CDK14: variants seen among roughly 807,000 people sequenced by gnomAD.
CDK14 encodes cyclin dependent kinase 14.
CDK14 carries 34 observed loss-of-function variants against 60.7 expected under a neutral mutation model. The observed-to-expected ratio is 0.56, with a 90% CI of 0.43 to 0.75. CDK14 has a LOEUF of 0.75. Ranked by LOEUF, CDK14 falls within the 30% of genes least tolerant of loss-of-function variation. The pLI is 0.00. For missense variants in CDK14, 482 were observed against 564.1 expected (o/e 0.85, Z 1.47); for synonymous variants, 197 against 203.7 (o/e 0.97, Z 0.28).
intron 5 of CDK14, among the ~76,000 whole-genome samples, chr7:90,830,546 C>T (rs1467566053): frequency 2.0e-5 from 3 of 152,192 alleles, no homozygotes; most frequent in Non-Finnish European, 2.9e-5. Flanking sequence ...TCCCCATTGT[C>T]GTGGCTATTA....
Position 91,116,310 on chromosome 7 carries a change from G to T in CDK14, c.1295-1755G>T, listed in dbSNP as rs532669271. 3.9e-5 allele frequency among the ~76,000 whole-genome samples: 6 copies of T among 152,140 alleles called. No homozygotes were observed. The South Asian group carries it at 1.2e-3, about 32-fold the overall frequency. On this transcript the variant is annotated intron_variant, in intron 13 of 14. Transcript: ENST00000380050. ...TCAGTGAAAGAAGGCCAACAAATCG[G>T]TACAGTGTGAAGAGCACTGAACTGG...
chr7:90,768,154 T>C (rs561936135), intron 4 of CDK14, among the ~76,000 whole-genome samples: 2 of 152,246 alleles, frequency 1.3e-5, no homozygotes, highest in African/African-American at 4.8e-5. Flanking sequence ...GTTTAATTAG[T>C]AAGACCTGGA....
chr7:90,699,029 G>T (rs1801726100), intron 2 of CDK14, among the ~76,000 whole-genome samples: 1 of 152,192 alleles, frequency 6.6e-6, no homozygotes, highest in Non-Finnish European at 1.5e-5. Flanking sequence ...TTAGTCAAAG[G>T]AAATATCAAG....
intron 9 of CDK14, among the ~76,000 whole-genome samples, chr7:90,965,936 G>A (rs1016181053): frequency 3.9e-5 from 6 of 152,106 alleles, no homozygotes; most frequent in Admixed American, 3.9e-4. Context: ...TCCCTGGAGG[G>A]AATTGGGTTC....
chr7:90,986,804 T>C (rs1795383577), intron 10 of CDK14, among the ~76,000 whole-genome samples: 2 of 152,002 alleles, frequency 1.3e-5, no homozygotes, highest in African/African-American at 4.8e-5. Context: ...AATTATATTC[T>C]GATAATTTTC....
chr7:90,876,516 T>C (rs1791567648), intron 6 of CDK14, among the ~76,000 whole-genome samples: 1 of 152,230 alleles, frequency 6.6e-6, no homozygotes, highest in African/African-American at 2.4e-5. Context: ...TCATGCCCAC[T>C]TCCTGGTGCC....
intron 2 of CDK14, among the ~76,000 whole-genome samples, chr7:90,685,920 C>G (rs1176346063): frequency 6.6e-6 from 1 of 151,898 alleles, no homozygotes. Context: ...TTATTACCTG[C>G]TGCTTCATGT....
intron 14 of CDK14, among the ~76,000 whole-genome samples, chr7:91,134,684 G>C (rs1164266459): frequency 6.6e-6 from 1 of 152,196 alleles, no homozygotes; most frequent in South Asian, 2.1e-4. Flanking sequence ...GACCAGAGTA[G>C]CCAACATGGT....
intron 12 of CDK14, among the ~76,000 whole-genome samples, chr7:91,108,694 C>A (rs897318926): frequency 3.9e-5 from 6 of 152,154 alleles, no homozygotes; most frequent in Non-Finnish European, 8.8e-5. Context: ...GGCTTTCATC[C>A]AAGTTTAATG....
chr7:90,901,201 G>A (rs974437471), intron 7 of CDK14, among the ~76,000 whole-genome samples: 2 of 152,066 alleles, frequency 1.3e-5, no homozygotes, highest in African/African-American at 4.8e-5. Flanking sequence ...TCCGAGTCCA[G>A]GTTGCACCAT....
chr7:91,006,151 G>C lies in CDK14; in HGVS notation c.1041+21910G>C, dbSNP rs1029435965. Among the ~76,000 whole-genome samples the C allele has an allele frequency of 7.4e-4, 112 of 152,342 alleles. 1 individual carries two copies. Among genetic ancestry groups the C allele is most frequent in the Non-Finnish European group, 4.0e-4 (27 of 68,030 alleles). On this transcript the variant is annotated intron_variant, in intron 10 of 14. Transcript: ENST00000380050. ...ACTCAGCCTGCTTCAGCCTGCTGGC[G>C]ATGTTCAGAATTAGCATAAGCATGC...
chr7:90,705,317 C>A (rs1332288636), intron 2 of CDK14, among the ~76,000 whole-genome samples: 2 of 151,502 alleles, frequency 1.3e-5, no homozygotes, highest in Non-Finnish European at 2.9e-5. Context: ...AAGTGTTTTC[C>A]CTTCACAGGC....
chr7:90,971,306 A>T (rs1392647539), intron 9 of CDK14, among the ~76,000 whole-genome samples: 1 of 152,126 alleles, frequency 6.6e-6, no homozygotes, highest in Non-Finnish European at 1.5e-5. Context: ...TAACACAGGT[A>T]TATGGTTAGT....
intron 14 of CDK14, among the ~76,000 whole-genome samples, chr7:91,135,848 C>G (rs575303038): frequency 6.6e-6 from 1 of 152,216 alleles, no homozygotes; most frequent in South Asian, 2.1e-4. Flanking sequence ...ACCCTTTGTT[C>G]TTACACAAAA....
intron 14 of CDK14, among the ~76,000 whole-genome samples, chr7:91,199,848 A>G (rs1802662902): frequency 1.3e-5 from 2 of 152,206 alleles, no homozygotes; most frequent in Admixed American, 6.5e-5. Flanking sequence ...GCCTTCTGTT[A>G]AGCTTAAAAC....
Position 91,098,092 on chromosome 7 carries a change from G to A in CDK14, c.1155-14450G>A, listed in dbSNP as rs538227403. ...TGTGTAAAGGATGCTCAACTATTCA[G>A]CAGTCTTAATCCAATTCTTGCTTTA... On this transcript the variant is annotated intron_variant, in intron 12 of 14. Coordinates refer to ENST00000380050, the MANE Select transcript of CDK14 (RefSeq NM_001287135.2). 4.2e-4 allele frequency among the ~76,000 whole-genome samples: 64 copies of A among 152,254 alleles called. No homozygotes were observed. In the South Asian group the frequency reaches 0.013, roughly 32 times the overall value.
At chr7:90,783,154 G>A (rs551163102) in intron 4 of CDK14, among the ~76,000 whole-genome samples, 1 of 152,206 alleles carries the variant, frequency 6.6e-6, no homozygotes, top group African/African-American at 2.4e-5. Context: ...ATTTGATAAA[G>A]CATTGATAAT....
chr7:90,676,713 T>C (rs1283279227), intron 2 of CDK14, among the ~76,000 whole-genome samples: 2 of 151,998 alleles, frequency 1.3e-5, no homozygotes, highest in Non-Finnish European at 2.9e-5. Context: ...TGCTCGTTTT[T>C]TTGGTAAAGA....
intron 5 of CDK14, among the ~76,000 whole-genome samples, chr7:90,814,429 A>G (rs1368351492): frequency 6.6e-6 from 1 of 152,202 alleles, no homozygotes; most frequent in Non-Finnish European, 1.5e-5. Flanking sequence ...AATAATTTTA[A>G]TCACAAAATA....
Sources: allele counts gnomAD v4.1 joint callset (sites outside exome capture counted in the v4.1 genomes callset), GRCh38; gene constraint gnomAD v4.1.1; transcripts MANE v1.5; gene names NCBI Gene and HGNC (gene_info 2026-07-23, HGNC 2026-07-21).